The following MBNL2 variants were observed in gnomAD, a reference collection of about 807,000 sequenced individuals.
MBNL2 encodes muscleblind-like protein 2.
MBNL2 carries 17 observed loss-of-function variants against 41.9 expected under a neutral mutation model. That is an observed-to-expected ratio of 0.41 (90% CI 0.28 to 0.61). The LOEUF is 0.61. MBNL2 is among the 20% of genes least tolerant of loss of function. The pLI is 0.35. For synonymous variants in MBNL2, 195 were observed against 182.9 expected (o/e 1.07, Z -0.53); for missense variants, 336 against 505.6 (o/e 0.66, Z 3.22).
intron 8 of MBNL2, among the ~76,000 whole-genome samples, chr13:97,378,185 G>A (rs1199024714): frequency 6.6e-6 from 1 of 152,078 alleles, no homozygotes; most frequent in Non-Finnish European, 1.5e-5. Context: ...GAAAATAATT[G>A]AAATGTTATT....
chr13:97,189,449 G>A, the MBNL2 span, among the ~76,000 whole-genome samples: 2 of 151,924 alleles, frequency 1.3e-5, no homozygotes, highest in African/African-American at 4.8e-5. Context: ...GAAACTAAAT[G>A]TTGTCGTAGG....
At chr13:97,208,821 G>A in the MBNL2 span, among the ~76,000 whole-genome samples, 81,580 of 152,044 alleles carry the variant, frequency 0.54, 25,522 homozygotes, top group Non-Finnish European at 0.68. Context: ...CAACTCCAGC[G>A]GTACATATAC....
chr13:97,360,942 C>G (rs2063343734), intron 7 of MBNL2, among the ~76,000 whole-genome samples: 1 of 152,226 alleles, frequency 6.6e-6, no homozygotes, highest in Non-Finnish European at 1.5e-5. Context: ...ATCAGATTAT[C>G]ACATGACTTG....
intron 5 of MBNL2, among the ~76,000 whole-genome samples, chr13:97,355,456 G>A (rs2153104065): frequency 6.6e-6 from 1 of 152,190 alleles, no homozygotes; most frequent in African/African-American, 2.4e-5. Context: ...TTCTATTTCA[G>A]AACTTTAGAA....
chr13:97,353,189 G>T (rs1317127253), intron 5 of MBNL2, among the ~76,000 whole-genome samples: 2 of 152,196 alleles, frequency 1.3e-5, no homozygotes, highest in African/African-American at 2.4e-5. Context: ...TAAGTCAGAG[G>T]ATCTTGCAGC....
At chr13:97,284,455 C>T (rs562313841) in intron 2 of MBNL2, among the ~76,000 whole-genome samples, 1 of 152,124 alleles carries the variant, frequency 6.6e-6, no homozygotes, top group Non-Finnish European at 1.5e-5. Flanking sequence ...TTGAGTCTGT[C>T]GTCAAATTTC....
rs577380818 is a variant in MBNL2 at position 97,349,423 on chromosome 13, AT to A, written c.804+2365del. ...GAGGATCTCATCCCATAGGAAGCAA[AT>A]TTTTTTTTCATTGTAATCATTATTT... On this transcript the variant is annotated intron_variant, in intron 5 of 8. Coordinates refer to ENST00000679496, the MANE Select transcript of MBNL2 (RefSeq NM_001382683.1). Among the ~76,000 whole-genome samples the A allele has an allele frequency of 4.0e-3, 604 of 151,746 alleles. 5 individuals carry two copies. The highest frequency in any genetic ancestry group is 0.013 in the African/African-American group (542 of 41,366).
At chr13:97,155,328 T>C in the MBNL2 span, among the ~76,000 whole-genome samples, 1 of 151,948 alleles carries the variant, frequency 6.6e-6, no homozygotes, top group African/African-American at 2.4e-5. Flanking sequence ...TCATTCATAC[T>C]CACCCTTGTG....
At chr13:97,387,951 T>G (rs746210367) in intron 8 of MBNL2, among the ~76,000 whole-genome samples, 1 of 152,132 alleles carries the variant, frequency 6.6e-6, no homozygotes, top group Non-Finnish European at 1.5e-5. Context: ...GCAGACCCTA[T>G]GAGTTTTCCA....
chr13:97,233,126 CATATATATATATATATATAT>C (rs376967986), intron 1 of MBNL2, among the ~76,000 whole-genome samples: 587 of 39,784 alleles, frequency 0.015, 19 homozygotes, highest in Admixed American at 0.026. Flanking sequence ...GGCTCTTTTT[CATATATATATATATATATAT>C]ATATATATAT....
intron 2 of MBNL2, among the ~76,000 whole-genome samples, chr13:97,331,738 G>T (rs562309551): frequency 2.0e-5 from 3 of 152,238 alleles, no homozygotes; most frequent in African/African-American, 7.2e-5. Context: ...TATATAAATT[G>T]CTTGGCATGT....
intron 8 of MBNL2, among the ~76,000 whole-genome samples, chr13:97,369,195 C>T (rs964450772): frequency 2.0e-5 from 3 of 152,174 alleles, no homozygotes; most frequent in Non-Finnish European, 4.4e-5. Context: ...AAACCCAGGG[C>T]TTGGTAATGA....
upstream of MBNL2, among the ~76,000 whole-genome samples, chr13:97,217,366 C>T (rs544652004): frequency 5.3e-5 from 8 of 152,230 alleles, no homozygotes; most frequent in South Asian, 8.3e-4. Flanking sequence ...GGTTCATTCC[C>T]TCATAGATTC....
chr13:97,193,743 T>C, the MBNL2 span, among the ~76,000 whole-genome samples: 2 of 152,118 alleles, frequency 1.3e-5, no homozygotes, highest in South Asian at 2.1e-4. Flanking sequence ...GCTGAGACTT[T>C]AGTGGTGGTA....
the MBNL2 span, among the ~76,000 whole-genome samples, chr13:97,204,691 G>C: frequency 6.6e-6 from 1 of 152,092 alleles, no homozygotes; most frequent in Non-Finnish European, 1.5e-5. Flanking sequence ...TTCTTCTTGA[G>C]GAGCAGGGAG....
chr13:97,201,322 A>G, the MBNL2 span, among the ~76,000 whole-genome samples: 1 of 152,220 alleles, frequency 6.6e-6, no homozygotes, highest in Non-Finnish European at 1.5e-5. Flanking sequence ...ATAACAAAGT[A>G]TGATTATACT....
intron 1 of MBNL2, among the ~76,000 whole-genome samples, chr13:97,270,610 C>A (rs9516884): frequency 0.55 from 83,972 of 152,044 alleles, 24,339 homozygotes; most frequent in East Asian, 0.7. Context: ...AATTTAGTTT[C>A]TCAGTTTCAC....
chr13:97,248,106 G>C lies in MBNL2; in HGVS notation c.-605+25575G>C, dbSNP rs373290234. Among the ~76,000 whole-genome samples the C allele has an allele frequency of 6.4e-4, 97 of 152,202 alleles. 4 individuals are homozygous for C. In the South Asian group the frequency reaches 0.015, roughly 23 times the overall value. ...TTCACTTTTCATTATATATACGTAT[G>C]TGTGTGTATACACACACATATACAC... is the stretch of plus-strand genomic sequence containing the variant. On this transcript the variant is annotated intron_variant, in intron 1 of 8. Coordinates refer to ENST00000679496, the MANE Select transcript of MBNL2 (RefSeq NM_001382683.1).
chr13:97,253,601 C>G (rs1335517394), intron 1 of MBNL2, among the ~76,000 whole-genome samples: 1 of 152,096 alleles, frequency 6.6e-6, no homozygotes, highest in Non-Finnish European at 1.5e-5. Flanking sequence ...ATCAAGGTTT[C>G]TCAGATGAGG....
Sources: gnomAD v4.1 joint callset for allele counts (sites outside exome capture counted in the v4.1 genomes callset) on GRCh38, gnomAD v4.1.1 for gene constraint, MANE v1.5 for transcripts, NCBI Gene and HGNC (gene_info 2026-07-23, HGNC 2026-07-21) for gene names.